The following PON2 variants were observed in gnomAD, a reference collection of about 807,000 sequenced individuals.
PON2 encodes the protein serum paraoxonase/arylesterase 2.
Under a neutral mutation model 36.6 loss-of-function variants are expected in PON2, and 27 were observed. The ratio of observed to expected loss-of-function variants is 0.74; its 90% CI spans 0.54 to 1.02. The LOEUF (loss-of-function observed/expected upper bound fraction) is 1.02. Ranked by LOEUF, PON2 falls within the 50% of genes least tolerant of loss-of-function variation. The pLI, the probability that PON2 is intolerant of heterozygous loss-of-function variation, is 0.00. For missense variants in PON2, 363 were observed against 421.1 expected (o/e 0.86, Z 1.21); for synonymous variants, 149 against 156.3 (o/e 0.95, Z 0.35).
chr7:95,430,086 G>C (rs1789402235), intron 1 of PON2, among the ~76,000 whole-genome samples: 1 of 152,110 alleles, frequency 6.6e-6, no homozygotes, highest in African/African-American at 2.4e-5. Flanking sequence ...ATGTAAAAGG[G>C]AAGATATCTA....
At chr7:95,429,462 T>A (rs1181746500) in intron 1 of PON2, among the ~76,000 whole-genome samples, 2 of 152,204 alleles carry the variant, frequency 1.3e-5, no homozygotes, top group Admixed American at 1.3e-4. Flanking sequence ...GTTCCAAGTC[T>A]TTGCTATTGT....
chr7:95,412,640 G>A (rs369512528), intron 3 of PON2, 163 bp from the exon 4 acceptor site: 18 of 694,162 alleles, frequency 2.6e-5, no homozygotes, highest in South Asian at 8.9e-5. Flanking sequence ...AAATAATAAC[G>A]GGGAGGTGGA....
intron 1 of PON2, among the ~76,000 whole-genome samples, chr7:95,431,410 G>A (rs1408032019): frequency 6.6e-6 from 1 of 151,862 alleles, no homozygotes; most frequent in African/African-American, 2.4e-5. Flanking sequence ...TTATGGGGAG[G>A]TGGGAACATG....
At chr7:95,433,263 T>C (rs956680686) in intron 1 of PON2, among the ~76,000 whole-genome samples, 7 of 152,152 alleles carry the variant, frequency 4.6e-5, no homozygotes, top group Non-Finnish European at 8.8e-5. Context: ...TTTATTTATT[T>C]ATTTATTTAT....
In PON2 at chr7:95,412,293, G is replaced by A. The variant is rs377170672; in HGVS notation, c.367+19C>T. 2.6e-4 allele frequency: 424 copies of A among 1,613,512 alleles called. 1 individual carries two copies. Among genetic ancestry groups the A allele is most frequent in the Non-Finnish European group, 3.1e-4 (361 of 1,179,616 alleles). The stretch of plus-strand genomic sequence containing the variant: ...AACCATCACACGTTACTAAATGTTG[G>A]TAGCCCATTGGCTCTTACCGTTGTC... On this transcript the variant is annotated intron_variant, in intron 4 of 8. Coordinates refer to ENST00000222572, the MANE Select transcript of PON2 (RefSeq NM_000305.3).
intron 4 of PON2, 131 bp downstream of exon 4, chr7:95,412,181 A>G: frequency 8.0e-7 from 1 of 1,250,768 alleles, no homozygotes; most frequent in Non-Finnish European, 1.1e-6. Flanking sequence ...AGTTCTTTGT[A>G]ATGAAGAATA....
intron 1 of PON2, among the ~76,000 whole-genome samples, chr7:95,430,202 T>C (rs547183756): frequency 1.3e-5 from 2 of 152,130 alleles, no homozygotes; most frequent in Non-Finnish European, 2.9e-5. Flanking sequence ...CAGTAGCTCA[T>C]ACCCATAATC....
In PON2 at chr7:95,416,146, GA is replaced by G; in HGVS notation, c.201+95del. ...TCTCTTTTCTTCAGAATGCATTTTG[GA>G]AAATGAATTTTAAAAGCAACTTACT... is the stretch of plus-strand genomic sequence containing the variant. On this transcript the variant is annotated intron_variant, in intron 3 of 8. Coordinates refer to ENST00000222572, the MANE Select transcript of PON2 (RefSeq NM_000305.3). The G allele has an allele frequency of 4.4e-6, 7 of 1,584,504 alleles. No individual in the cohort carries two copies. The South Asian group carries it at 6.8e-5, about 15-fold the overall frequency.
At chr7:95,417,907 T>A (rs1050798106) in intron 2 of PON2, among the ~76,000 whole-genome samples, 1 of 152,230 alleles carries the variant, frequency 6.6e-6, no homozygotes, top group African/African-American at 2.4e-5. Flanking sequence ...GAATGATTTT[T>A]ATTTTTTTCT....
chr7:95,428,004 C>G (rs1189468238), intron 1 of PON2, among the ~76,000 whole-genome samples: 2 of 152,160 alleles, frequency 1.3e-5, no homozygotes, highest in Admixed American at 1.3e-4. Context: ...CACTTTATGT[C>G]TATAACATGC....
chr7:95,426,217 C>T (rs1433156735), intron 1 of PON2, among the ~76,000 whole-genome samples: 1 of 151,864 alleles, frequency 6.6e-6, no homozygotes, highest in Admixed American at 6.6e-5. Context: ...CATGTAAAAC[C>T]TGCACATGTA....
chr7:95,414,454 A>T (rs1789014480), intron 3 of PON2, among the ~76,000 whole-genome samples: 1 of 152,198 alleles, frequency 6.6e-6, no homozygotes, highest in Non-Finnish European at 1.5e-5. Context: ...ATATGGCTAT[A>T]AGATCTTTGT....
chr7:95,428,647 T>A (rs4729189), intron 1 of PON2, among the ~76,000 whole-genome samples: 120,808 of 152,158 alleles, frequency 0.79, 48,001 homozygotes, highest in South Asian at 0.86. Flanking sequence ...GGGTTTAATT[T>A]AAAAAGCATA....
intron 2 of PON2, among the ~76,000 whole-genome samples, chr7:95,423,325 A>AC (rs941994087): frequency 6.7e-6 from 1 of 149,868 alleles, no homozygotes; most frequent in Non-Finnish European, 1.5e-5. Context: ...ACCTCTCAAA[A>AC]AAAAAAAAAA....
chr7:95,429,502 G>C (rs1309998347), intron 1 of PON2, among the ~76,000 whole-genome samples: 1 of 152,190 alleles, frequency 6.6e-6, no homozygotes, highest in Non-Finnish European at 1.5e-5. Flanking sequence ...TTAACCAACA[G>C]TCATTAGCAT....
At chr7:95,417,727 C>CACACACACACACACACACACACACACACT (rs1562788872) in intron 2 of PON2, among the ~76,000 whole-genome samples, 1 of 80,212 alleles carries the variant, frequency 1.2e-5, no homozygotes, top group African/African-American at 5.4e-5. Context: ...ACACACACAC[C>CACACACACACACACACACACACACACACT]GAGAGAGAAT....
Position 95,412,392 on chromosome 7 carries a change from CT to C in PON2, c.286del (p.Arg96GlyfsTer5), listed in dbSNP as rs548392448. The C allele has an allele frequency of 1.5e-3, 2,406 of 1,614,140 alleles. 3 individuals are homozygous for C. Among genetic ancestry groups the C allele is most frequent in the Non-Finnish European group, 1.8e-3 (2,123 of 1,180,016 alleles). Reference protein sequence around the residue: ...LMMDLKEEKPRARELRISRGF... With the variant: ...LMMDLKEEKPXARELRISRGF... Reference sequence around the variant, plus strand: ...ACGACTGATTCTTAATTCCCGTGCCCTTGGTTTTTCTTCTTTTAGATCCATC... The same window carrying C: ...ACGACTGATTCTTAATTCCCGTGCCCTGGTTTTTCTTCTTTTAGATCCATC... On this transcript the variant is annotated frameshift_variant, in exon 4 of 9. Coordinates refer to ENST00000222572, the MANE Select transcript of PON2 (RefSeq NM_000305.3). LOFTEE classifies it high-confidence loss of function.
intron 1 of PON2, among the ~76,000 whole-genome samples, chr7:95,430,950 C>T (rs1789426944): frequency 6.7e-6 from 1 of 149,902 alleles, no homozygotes; most frequent in African/African-American, 2.5e-5. Flanking sequence ...AGAAACAGAC[C>T]ACATAGCTTC....
intron 2 of PON2, among the ~76,000 whole-genome samples, chr7:95,421,558 G>C (rs1789192809): frequency 6.6e-6 from 1 of 152,148 alleles, no homozygotes; most frequent in Non-Finnish European, 1.5e-5. Flanking sequence ...AGTTACTTGG[G>C]ACTCTTGAAC....
Sources: allele counts gnomAD v4.1 joint callset (sites outside exome capture counted in the v4.1 genomes callset), GRCh38; gene constraint gnomAD v4.1.1; transcripts MANE v1.5; gene names NCBI Gene and HGNC (gene_info 2026-07-23, HGNC 2026-07-21).